The following ITGAD variants were observed in gnomAD, a reference collection of about 807,000 sequenced individuals.
The protein encoded by ITGAD is integrin alpha-D.
A neutral mutation model predicts 139.0 loss-of-function variants in ITGAD; 105 were observed. The ratio of observed to expected loss-of-function variants is 0.76; its 90% CI spans 0.65 to 0.89. The LOEUF (loss-of-function observed/expected upper bound fraction) is 0.89. ITGAD is among the 40% of genes least tolerant of loss of function. The pLI is 0.00. For synonymous variants in ITGAD, 569 were observed against 598.3 expected (o/e 0.95, Z 0.71); for missense variants, 1,384 against 1,487.3 (o/e 0.93, Z 1.14).
chr16:31,402,059 C>A, intron 5 of ITGAD, 56 bp from the exon 6 acceptor site: 1 of 1,581,906 alleles, frequency 6.3e-7, no homozygotes, highest in Non-Finnish European at 8.6e-7. Context: ...GCAGGAGCTG[C>A]AGGAGGGGGT....
rs766946955 is a variant in ITGAD, at chr16:31,414,629, G to A, written c.2151+24G>A. 7.4e-6 allele frequency: 12 copies of A among 1,612,960 alleles called. No homozygotes were observed. The South Asian group carries it at 8.8e-5, about 12-fold the overall frequency. On this transcript the variant is annotated intron_variant, in intron 17 of 29. Transcript: ENST00000389202. ...CAGTGAGGACTTTGGGTTCTGGGAA[G>A]GGGGAGAGAGGAGGAGCCCAAGGCT...
chr16:31,397,735 G>C lies in ITGAD; in HGVS notation c.313-60G>C, dbSNP rs1005797647. 17 of 1,589,144 alleles carry C rather than the reference G, an allele frequency of 1.1e-5. No homozygotes were observed. In the Admixed American group the frequency reaches 2.9e-4, roughly 27 times the overall value. On this transcript the variant is annotated intron_variant, in intron 4 of 29. Coordinates refer to ENST00000389202, the MANE Select transcript of ITGAD (RefSeq NM_005353.3). ...GGGTGTTGTTGGGGAGGAGGCTGGG[G>C]CTGGGAGTGAAGGAGGAGGGGCTGC...
chr16:31,400,175 A>C (rs1410897236), intron 5 of ITGAD, among the ~76,000 whole-genome samples: 1 of 152,216 alleles, frequency 6.6e-6, no homozygotes, highest in Non-Finnish European at 1.5e-5. Flanking sequence ...ATGTGGGCAA[A>C]AAACGGGGAG....
intron 18 of ITGAD, 55 bp downstream of exon 18, chr16:31,415,046 G>T: frequency 6.2e-7 from 1 of 1,602,302 alleles, no homozygotes; most frequent in Non-Finnish European, 8.5e-7. Flanking sequence ...GTCTCCATGA[G>T]CTTAAGAATC....
Position 31,403,838 on chromosome 16 carries a change from A to T in ITGAD, c.704+193A>T. On this transcript the variant is annotated intron_variant, in intron 7 of 29. Transcript: ENST00000389202. This position sits in a 1 kb window ranked among gnomAD's most constrained non-coding sequence, Gnocchi z 4.4. ...TCGCTGCCAGTCTCCCTGATATAGG[A>T]CTAGGCTCCTCTGCAGCTATGCCTC... 2 of 621,930 alleles carry T rather than the reference A, an allele frequency of 3.2e-6. No individual in the cohort carries two copies. Among genetic ancestry groups the T allele is most frequent in the East Asian group, 5.7e-5 (2 of 35,142 alleles). 38.5% of individuals were successfully genotyped at this position (621,930 alleles called of 1,614,324 possible). A position where few individuals can be genotyped will look rare whatever the true frequency, so the allele number is the denominator to read the frequency against.
rs763618394 is a variant in ITGAD, at chr16:31,411,339, G to C, written c.1529G>C (p.Arg510Pro). 6.2e-7 allele frequency: 1 copy of C among 1,613,740 alleles called. No homozygotes were observed. The highest frequency in any genetic ancestry group is 1.3e-5 in the African/African-American group (1 of 74,882). Reference protein sequence around the residue: ...RVQWQCDAVLRGEQGHPWGRF... With the variant: ...RVQWQCDAVLPGEQGHPWGRF... ...CAGTGGCAGTGTGACGCTGTTCTCC[G>C]TGGTGAGCAGGGCCACCCCTGGGGC... The change falls in exon 14 of 30, where the codon CGT (arginine) becomes CCT (proline). Residue 510 changes from arginine to proline, a missense_variant. Transcript: ENST00000389202.
At chr16:31,402,079 G>T in intron 5 of ITGAD, 36 bp from the exon 6 acceptor site, 2 of 1,603,408 alleles carry the variant, frequency 1.2e-6, no homozygotes, top group Non-Finnish European at 1.7e-6. Context: ...TTGGGCCCCC[G>T]CAGTGCATCT....
chr16:31,403,787 C>T lies in ITGAD; in HGVS notation c.704+142C>T, dbSNP rs1472929878. 2 of 1,072,742 alleles carry T rather than the reference C, an allele frequency of 1.9e-6. No homozygotes were observed. The highest frequency in any genetic ancestry group is 3.1e-5 in the African/African-American group (2 of 63,786). The allele number at this position is 1,072,742 out of a possible 1,614,324, so 66.5% of individuals were successfully genotyped here. A position where few individuals can be genotyped will look rare whatever the true frequency, so the allele number is the denominator to read the frequency against. On this transcript the variant is annotated intron_variant, in intron 7 of 29. Transcript: ENST00000389202. The surrounding 1 kb of genome is among the most constrained non-coding windows in gnomAD (Gnocchi z 4.4). ...GGCATGTCGGGGCTGCAGGGAGAACCTCCCCCCGGGGTGCTCCTGGTTGCC... is the reference window on the plus strand; with the variant it reads ...GGCATGTCGGGGCTGCAGGGAGAACTTCCCCCCGGGGTGCTCCTGGTTGCC...
rs1162039188 is a variant in ITGAD at position 31,403,778 on chromosome 16, A to C, written c.704+133A>C. The stretch of plus-strand genomic sequence containing the variant: ...CTACCAAGGGGCATGTCGGGGCTGC[A>C]GGGAGAACCTCCCCCCGGGGTGCTC... On this transcript the variant is annotated intron_variant, in intron 7 of 29. Transcript: ENST00000389202. This position sits in a 1 kb window ranked among gnomAD's most constrained non-coding sequence, Gnocchi z 4.4. The C allele has an allele frequency of 1.7e-6, 2 of 1,150,970 alleles. No homozygotes were observed. Among genetic ancestry groups the C allele is most frequent in the Non-Finnish European group, 2.5e-6 (2 of 813,718 alleles). 71.3% of individuals were successfully genotyped at this position (1,150,970 alleles called of 1,614,324 possible). A position where few individuals can be genotyped will look rare whatever the true frequency, so the allele number is the denominator to read the frequency against.
rs758613860 is a variant in ITGAD at position 31,403,432 on chromosome 16, C to T, written c.559-68C>T. The T allele has an allele frequency of 9.5e-6, 15 of 1,586,382 alleles. No individual in the cohort carries two copies. Among genetic ancestry groups the T allele is most frequent in the Non-Finnish European group, 1.3e-5 (15 of 1,161,884 alleles). On this transcript the variant is annotated intron_variant, in intron 6 of 29. Coordinates refer to ENST00000389202, the MANE Select transcript of ITGAD (RefSeq NM_005353.3). The surrounding 1 kb of genome is among the most constrained non-coding windows in gnomAD (Gnocchi z 4.4). The stretch of plus-strand genomic sequence containing the variant: ...AGGAGTTTGAGAGACCCTGTCTCTA[C>T]AAAAAATTAAAATAAAAACAATAGT...
chr16:31,394,146 A>AAAG, intron 1 of ITGAD, 90 bp from the exon 2 acceptor site: 4 of 757,746 alleles, frequency 5.3e-6, no homozygotes, highest in Non-Finnish European at 6.3e-6. Context: ...AAAAAAAAAA[A>AAAG]AAAAGAAAAA....
chr16:31,405,146 T>A (rs981622874), intron 7 of ITGAD, among the ~76,000 whole-genome samples: 1 of 152,044 alleles, frequency 6.6e-6, no homozygotes, highest in African/African-American at 2.4e-5. Context: ...CCACCACACC[T>A]GGCTAATGTT....
chr16:31,394,151 GAAAA>G (rs1486250564), intron 1 of ITGAD, 81 bp from the exon 2 acceptor site: 1 of 592,670 alleles, frequency 1.7e-6, no homozygotes, highest in Non-Finnish European at 2.8e-6. Context: ...AAAAAAAAAA[GAAAA>G]AAAAGAAAAA....
At chr16:31,422,986 C>T (rs950685246) in intron 23 of ITGAD, 128 bp from the exon 24 acceptor site, 25 of 764,566 alleles carry the variant, frequency 3.3e-5, no homozygotes, top group South Asian at 4.7e-5. Context: ...CCACTGTGCC[C>T]GGCCAAATAA....
intron 23 of ITGAD, among the ~76,000 whole-genome samples, chr16:31,420,699 C>T (rs972384478): frequency 1.3e-5 from 2 of 152,190 alleles, no homozygotes; most frequent in Non-Finnish European, 2.9e-5. Flanking sequence ...CTCAGCCTCT[C>T]GAGTAGCTGG....
chr16:31,416,583 C>T lies in ITGAD; in HGVS notation c.2436C>T (p.Tyr812=), dbSNP rs143643916. ...TGTGGAACGCAGGTGAGGATTCCTA[C>T]GGAACCGTGGTCAGCCTCTACTATC... ...VTVWNAGEDS[Y]GTVVSLYYPA... The change falls in exon 20 of 30, where the codon TAC becomes TAT. Residue 812 remains tyrosine, a synonymous_variant. Coordinates refer to ENST00000389202, the MANE Select transcript of ITGAD (RefSeq NM_005353.3). 2.5e-4 allele frequency: 406 copies of T among 1,613,792 alleles called. 1 individual carries two copies. In the African/African-American group the frequency reaches 3.8e-3, roughly 15 times the overall value.
intron 29 of ITGAD, 178 bp downstream of exon 29, chr16:31,424,755 G>T (rs1473318098): frequency 2.2e-6 from 1 of 464,054 alleles, no homozygotes; most frequent in African/African-American, 2.0e-5. Flanking sequence ...ACTGCACCAT[G>T]CCCGGCTAGT....
chr16:31,418,249 A>T, intron 21 of ITGAD, 52 bp from the exon 22 acceptor site: 2 of 1,605,056 alleles, frequency 1.2e-6, no homozygotes, highest in Non-Finnish European at 1.7e-6. Flanking sequence ...TCTGTCCCTC[A>T]CTCTGCCATG....
intron 1 of ITGAD, 21 bp from the exon 2 acceptor site, chr16:31,394,215 C>A (rs534310200): frequency 5.2e-6 from 8 of 1,546,618 alleles, no homozygotes; most frequent in South Asian, 2.2e-5. Flanking sequence ...CCAGCCTCCC[C>A]GCCCACCAAA....
Sources: allele counts gnomAD v4.1 joint callset (sites outside exome capture counted in the v4.1 genomes callset), GRCh38; gene constraint gnomAD v4.1.1; non-coding constraint Gnocchi (gnomAD v3.1); transcripts MANE v1.5; gene names NCBI Gene and HGNC (gene_info 2026-07-23, HGNC 2026-07-21).